GRID1: variants seen among roughly 807,000 people sequenced by gnomAD.
GRID1 encodes the protein glutamate ionotropic receptor delta type subunit 1, also known as glutamate receptor ionotropic, delta-1.
In GRID1, 28 loss-of-function variants were observed where a neutral mutation model predicts 98.0. The observed-to-expected ratio is 0.29, with a 90% CI of 0.21 to 0.39. The LOEUF is 0.39. Ranked by LOEUF, GRID1 falls within the 10% of genes least tolerant of loss-of-function variation. The pLI, the probability that GRID1 is intolerant of heterozygous loss-of-function variation, is 1.00. For missense variants in GRID1, 1,111 were observed against 1,340.5 expected (o/e 0.83, Z 2.67); for synonymous variants, 553 against 538.5 (o/e 1.03, Z -0.37).
chr10:85,915,271 C>G (rs1228497002), intron 5 of GRID1, among the ~76,000 whole-genome samples: 1 of 152,052 alleles, frequency 6.6e-6, no homozygotes, highest in African/African-American at 2.4e-5. Context: ...CACACAAACT[C>G]ATATACAGAT....
chr10:85,802,750 C>T lies in GRID1; in HGVS notation c.1233+51746G>A, dbSNP rs568474453. On this transcript the variant is annotated intron_variant, in intron 8 of 15. Transcript: ENST00000327946. ...CTGTTTTCAAACACTGGACAAGAGG[C>T]AGGGCAGAACTGTGACCGTTGAGAG... is the stretch of plus-strand genomic sequence containing the variant. 4.0e-5 allele frequency among the ~76,000 whole-genome samples: 6 copies of T among 149,882 alleles called. No homozygotes were observed. The Admixed American group carries it at 4.0e-4, about 10-fold the overall frequency.
At chr10:85,876,477 C>T (rs1280434772) in intron 5 of GRID1, among the ~76,000 whole-genome samples, 3 of 152,140 alleles carry the variant, frequency 2.0e-5, no homozygotes, top group Admixed American at 6.5e-5. Flanking sequence ...ATAATCGCCC[C>T]ATCTCAAGAT....
intron 2 of GRID1, among the ~76,000 whole-genome samples, chr10:86,351,288 G>T (rs1202601262): frequency 6.6e-6 from 1 of 152,254 alleles, no homozygotes; most frequent in Non-Finnish European, 1.5e-5. Flanking sequence ...AAAGTGCGCA[G>T]GACTGAGTCA....
At chr10:86,077,532 C>G (rs900683385) in intron 4 of GRID1, among the ~76,000 whole-genome samples, 30 of 152,328 alleles carry the variant, frequency 2.0e-4, no homozygotes, top group African/African-American at 7.2e-4. Context: ...CCAAAGCATT[C>G]CCTGCTCCCT....
chr10:85,819,731 C>A (rs1283528036), intron 8 of GRID1, among the ~76,000 whole-genome samples: 1 of 151,692 alleles, frequency 6.6e-6, no homozygotes, highest in African/African-American at 2.4e-5. Context: ...CTGGCCAACA[C>A]GGTGAAACCC....
chr10:85,866,119 G>A (rs1843219017), intron 6 of GRID1, among the ~76,000 whole-genome samples: 1 of 150,264 alleles, frequency 6.7e-6, no homozygotes, highest in Middle Eastern at 3.2e-3. Flanking sequence ...AACTACATGA[G>A]CCTAAAATAC....
intron 8 of GRID1, among the ~76,000 whole-genome samples, chr10:85,818,388 A>G (rs1842734546): frequency 6.6e-6 from 1 of 152,246 alleles, no homozygotes; most frequent in Admixed American, 6.5e-5. Context: ...GTGTGCATAC[A>G]TGAGTTAATA....
intron 5 of GRID1, among the ~76,000 whole-genome samples, chr10:85,908,518 C>T (rs573086707): frequency 6.6e-6 from 1 of 152,204 alleles, no homozygotes; most frequent in South Asian, 2.1e-4. Flanking sequence ...AAAGATAAAA[C>T]ATTGAGAGAA....
chr10:85,822,617 G>A (rs1190150885), intron 8 of GRID1, among the ~76,000 whole-genome samples: 2 of 152,212 alleles, frequency 1.3e-5, no homozygotes, highest in Non-Finnish European at 2.9e-5. Context: ...AACCATTGTG[G>A]AAGTCGGTGT....
rs557022886 is a variant in GRID1 at position 85,887,785 on chromosome 10, C to T, written c.781-18605G>A. On this transcript the variant is annotated intron_variant, in intron 5 of 15. Transcript: ENST00000327946. The stretch of plus-strand genomic sequence containing the variant: ...CTAGGGTTTTGACAAAGTTCAGTGG[C>T]TTTAATTCAATAGGATACAATGTGT... 5.9e-5 allele frequency among the ~76,000 whole-genome samples: 9 copies of T among 152,272 alleles called. No homozygotes were observed. In the East Asian group the frequency reaches 1.7e-3, roughly 29 times the overall value.
At chr10:86,057,483 T>A (rs539314468) in intron 4 of GRID1, among the ~76,000 whole-genome samples, 1 of 152,332 alleles carries the variant, frequency 6.6e-6, no homozygotes, top group South Asian at 2.1e-4. Flanking sequence ...TGTTCTTAAA[T>A]AAAGATGATA....
intron 6 of GRID1, among the ~76,000 whole-genome samples, chr10:85,865,487 C>A (rs71471181): frequency 0.056 from 8,450 of 152,194 alleles, 314 homozygotes; most frequent in Non-Finnish European, 0.08. Context: ...AACTTCTAAA[C>A]CAGAATGATC....
chr10:85,954,214 G>A (rs1392898934), intron 4 of GRID1, among the ~76,000 whole-genome samples: 2 of 152,102 alleles, frequency 1.3e-5, no homozygotes, highest in African/African-American at 4.8e-5. Context: ...GATAGTACCT[G>A]GATAGCACTC....
chr10:86,238,325 T>C (rs900230126), intron 2 of GRID1, among the ~76,000 whole-genome samples: 8 of 152,166 alleles, frequency 5.3e-5, no homozygotes, highest in African/African-American at 1.7e-4. Context: ...CCTTGGGACA[T>C]GGCACACTGC....
intron 2 of GRID1, among the ~76,000 whole-genome samples, chr10:86,362,771 G>A (rs1848617471): frequency 6.6e-6 from 1 of 152,184 alleles, no homozygotes; most frequent in Non-Finnish European, 1.5e-5. Flanking sequence ...TGCAGGCACC[G>A]GGGAGACTAG....
At chr10:85,677,019 T>C (rs1242880366) in intron 12 of GRID1, among the ~76,000 whole-genome samples, 1 of 152,158 alleles carries the variant, frequency 6.6e-6, no homozygotes, top group Non-Finnish European at 1.5e-5. Flanking sequence ...GCTGAGAAAT[T>C]AATTTTTCAG....
At position 85,965,438 on chromosome 10, in the gene GRID1, G is replaced by A. The variant is rs146484835; in HGVS notation, c.727-49199C>T. Among the ~76,000 whole-genome samples the A allele has an allele frequency of 3.5e-4, 54 of 152,208 alleles. No individual in the cohort carries two copies. In the East Asian group the frequency reaches 7.7e-3, roughly 22 times the overall value. ...AAGGAAAATGTGGCACATATACACC[G>A]TGGAATACTATGCAGCCAGAAAAAA... On this transcript the variant is annotated intron_variant, in intron 4 of 15. Coordinates refer to ENST00000327946, the MANE Select transcript of GRID1 (RefSeq NM_017551.3).
intron 2 of GRID1, among the ~76,000 whole-genome samples, chr10:86,268,854 G>A (rs1379242339): frequency 6.6e-6 from 1 of 152,144 alleles, no homozygotes; most frequent in South Asian, 2.1e-4. Context: ...AGCTGGGTGT[G>A]GTGGCACATG....
intron 4 of GRID1, among the ~76,000 whole-genome samples, chr10:86,000,837 A>G (rs1842794409): frequency 6.6e-6 from 1 of 152,226 alleles, no homozygotes; most frequent in Non-Finnish European, 1.5e-5. Context: ...CACTTACCAT[A>G]CAACTAAGCA....
Sources: gnomAD v4.1 joint callset for allele counts (sites outside exome capture counted in the v4.1 genomes callset) on GRCh38, gnomAD v4.1.1 for gene constraint, MANE v1.5 for transcripts, NCBI Gene and HGNC (gene_info 2026-07-23, HGNC 2026-07-21) for gene names.